CAMKMT: variants seen among roughly 807,000 people sequenced by gnomAD.
CAMKMT encodes calmodulin-lysine N-methyltransferase, also known as CaM KMT.
In CAMKMT, 53 loss-of-function variants were observed where a neutral mutation model predicts 48.0. That is an observed-to-expected ratio of 1.10 (90% CI 0.89 to 1.39). The LOEUF (loss-of-function observed/expected upper bound fraction) is 1.39. Ranked by LOEUF, CAMKMT falls within the 40% of genes most tolerant of loss-of-function variation. CAMKMT has a pLI of 0.00. For synonymous variants in CAMKMT, 165 were observed against 152.3 expected (o/e 1.08, Z -0.61); for missense variants, 428 against 402.7 (o/e 1.06, Z -0.54).
chr2:44,576,326 CTAAAAAAAAAAAAAA>C (rs1669216851), intron 3 of CAMKMT, among the ~76,000 whole-genome samples: 1 of 104,394 alleles, frequency 9.6e-6, no homozygotes, highest in South Asian at 3.2e-4. Flanking sequence ...GAAACTCTGT[CTAAAAAAAAAAAAAA>C]AAAAAGAAAA....
intron 3 of CAMKMT, among the ~76,000 whole-genome samples, chr2:44,512,949 C>T (rs1233671860): frequency 6.6e-6 from 1 of 152,106 alleles, no homozygotes; most frequent in Non-Finnish European, 1.5e-5. Flanking sequence ...TTCAGGAAAA[C>T]AAAAACAAAA....
chr2:44,464,413 G>C (rs1338461302), intron 3 of CAMKMT, among the ~76,000 whole-genome samples: 5 of 152,180 alleles, frequency 3.3e-5, no homozygotes, highest in Non-Finnish European at 5.9e-5. Flanking sequence ...ATAGGACAGA[G>C]AGCTTATTTG....
At chr2:44,497,601 C>G (rs1669809113) in intron 3 of CAMKMT, among the ~76,000 whole-genome samples, 1 of 151,888 alleles carries the variant, frequency 6.6e-6, no homozygotes, top group South Asian at 2.1e-4. Flanking sequence ...GGGAATAAAC[C>G]TCTAACCAGG....
chr2:44,653,245 G>A lies in CAMKMT; in HGVS notation c.377-51038G>A, dbSNP rs1674191689. Among the ~76,000 whole-genome samples the A allele has an allele frequency of 6.6e-6, 1 of 152,044 alleles. No homozygotes were observed. Among genetic ancestry groups the A allele is most frequent in the Admixed American group, 6.6e-5 (1 of 15,264 alleles). ...TCTGCTTTTAATATCCTCTTCAACTGGCCCAGAGAGCTCCTCTTCACAAGG... is the reference window on the plus strand; with the variant it reads ...TCTGCTTTTAATATCCTCTTCAACTAGCCCAGAGAGCTCCTCTTCACAAGG... On this transcript the variant is annotated intron_variant, in intron 3 of 10. Coordinates refer to ENST00000378494, the MANE Select transcript of CAMKMT (RefSeq NM_024766.5). This position sits in a 1 kb window ranked among gnomAD's most constrained non-coding sequence, Gnocchi z 5.2.
intron 2 of CAMKMT, among the ~76,000 whole-genome samples, chr2:44,384,500 CTTT>C (rs141017634): frequency 1.0e-5 from 1 of 95,852 alleles, no homozygotes. Flanking sequence ...AGCTATTTAT[CTTT>C]TTTTTTTTTT....
At chr2:44,384,269 ATCT>A (rs1251432007) in intron 2 of CAMKMT, among the ~76,000 whole-genome samples, 3 of 152,184 alleles carry the variant, frequency 2.0e-5, no homozygotes, top group African/African-American at 7.2e-5. Context: ...CCATTTGTAT[ATCT>A]TCTTTTGAGA....
chr2:44,615,431 T>G (rs150023857), intron 3 of CAMKMT, among the ~76,000 whole-genome samples: 1 of 151,884 alleles, frequency 6.6e-6, no homozygotes, highest in Non-Finnish European at 1.5e-5. Flanking sequence ...AGTAGACAGA[T>G]TGAGAGAGAT....
intron 3 of CAMKMT, among the ~76,000 whole-genome samples, chr2:44,454,218 T>C (rs1667442797): frequency 6.6e-6 from 1 of 152,068 alleles, no homozygotes; most frequent in Non-Finnish European, 1.5e-5. Context: ...ACAGCAGAAA[T>C]TGTTTGAGAA....
intron 3 of CAMKMT, among the ~76,000 whole-genome samples, chr2:44,490,267 T>TCTTC (rs1234396129): frequency 2.0e-5 from 3 of 151,906 alleles, no homozygotes; most frequent in Non-Finnish European, 4.4e-5. Flanking sequence ...TTTCTTGTCT[T>TCTTC]TTTCTTTCTT....
chr2:44,552,813 C>G (rs898140010), intron 3 of CAMKMT, among the ~76,000 whole-genome samples: 2 of 152,242 alleles, frequency 1.3e-5, no homozygotes, highest in African/African-American at 4.8e-5. Context: ...TACCATTGGG[C>G]TATTTACTTT....
intron 3 of CAMKMT, among the ~76,000 whole-genome samples, chr2:44,414,974 TA>T (rs1194951919): frequency 6.6e-6 from 1 of 152,110 alleles, no homozygotes. Flanking sequence ...GCCAACATGG[TA>T]AAACCCCATC....
In CAMKMT at chr2:44,694,951, A is replaced by G. The variant is rs142804585; in HGVS notation, c.377-9332A>G. On this transcript the variant is annotated intron_variant, in intron 3 of 10. Transcript: ENST00000378494. ...TCATTTGATTTATACAGAAAGCACT[A>G]AAGAATAGGAAATGATATGCTTCTT... 2.6e-3 allele frequency among the ~76,000 whole-genome samples: 402 copies of G among 152,340 alleles called. 5 individuals are homozygous for G. The highest frequency in any genetic ancestry group is 9.4e-3 in the African/African-American group (390 of 41,578).
At chr2:44,636,420 A>G (rs537694756) in intron 3 of CAMKMT, among the ~76,000 whole-genome samples, 41 of 152,346 alleles carry the variant, frequency 2.7e-4, no homozygotes, top group African/African-American at 7.5e-4. Context: ...GAAAACCTCA[A>G]TGACTGAAGA....
chr2:44,373,469 TCA>T (rs1396596814), intron 2 of CAMKMT, among the ~76,000 whole-genome samples: 1 of 152,204 alleles, frequency 6.6e-6, no homozygotes, highest in Non-Finnish European at 1.5e-5. Context: ...TAATTTTCTC[TCA>T]CAGTTATGTT....
chr2:44,510,804 C>T (rs1342442902), intron 3 of CAMKMT, among the ~76,000 whole-genome samples: 1 of 152,076 alleles, frequency 6.6e-6, no homozygotes, highest in Non-Finnish European at 1.5e-5. Flanking sequence ...CCCTCACCTC[C>T]CTGTCAACCT....
In CAMKMT at chr2:44,771,990, C is replaced by T. The variant is rs1204958111; in HGVS notation, c.895-46C>T. The T allele has an allele frequency of 4.7e-6, 6 of 1,282,246 alleles. No individual in the cohort carries two copies. The Admixed American group carries it at 8.9e-5, about 19-fold the overall frequency. 79.4% of individuals were successfully genotyped at this position (1,282,246 alleles called of 1,614,324 possible). A position where few individuals can be genotyped will look rare whatever the true frequency, so the allele number is the denominator to read the frequency against. ...ACATTAATATTGACTGGTAAAGATC[C>T]CTAATTGGAGTCCCCTTACCTTTTT... is the stretch of plus-strand genomic sequence containing the variant. On this transcript the variant is annotated intron_variant, in intron 10 of 10. Coordinates refer to ENST00000378494, the MANE Select transcript of CAMKMT (RefSeq NM_024766.5).
At chr2:44,583,982 A>T (rs1669712411) in intron 3 of CAMKMT, among the ~76,000 whole-genome samples, 1 of 152,218 alleles carries the variant, frequency 6.6e-6, no homozygotes, top group African/African-American at 2.4e-5. Flanking sequence ...ATACCCACAC[A>T]TCCCCTCATT....
At chr2:44,415,343 G>A (rs1067388) in intron 3 of CAMKMT, among the ~76,000 whole-genome samples, 113,806 of 152,080 alleles carry the variant, frequency 0.75, 43,669 homozygotes, top group African/African-American at 0.88. Flanking sequence ...TCCAGGTTTA[G>A]TTCACTACAG....
At chr2:44,529,785 T>C (rs1247408117) in intron 3 of CAMKMT, among the ~76,000 whole-genome samples, 2 of 152,202 alleles carry the variant, frequency 1.3e-5, no homozygotes, top group African/African-American at 2.4e-5. Context: ...TTCCAGTAAC[T>C]AAAAGGTTTC....
Sources: gnomAD v4.1 joint callset for allele counts (sites outside exome capture counted in the v4.1 genomes callset) on GRCh38, gnomAD v4.1.1 for gene constraint, Gnocchi (gnomAD v3.1) non-coding constraint, MANE v1.5 for transcripts, NCBI Gene and HGNC (gene_info 2026-07-23, HGNC 2026-07-21) for gene names.